The following GSE1 variants were observed in gnomAD, a reference collection of about 807,000 sequenced individuals.
GSE1 encodes the protein genetic suppressor element 1.
Under a neutral mutation model 112.6 loss-of-function variants are expected in GSE1, and 32 were observed. That is an observed-to-expected ratio of 0.28 (90% CI 0.21 to 0.38). The LOEUF is 0.38. Ranked by LOEUF, GSE1 falls within the 10% of genes least tolerant of loss-of-function variation. GSE1 has a pLI of 1.00. For synonymous variants in GSE1, 1,115 were observed against 735.6 expected (o/e 1.52, Z -8.35); for missense variants, 2,348 against 1,699.2 (o/e 1.38, Z -6.71).
chr16:85,533,072 G>T (rs2044188534), intron 2 of GSE1, among the ~76,000 whole-genome samples: 1 of 152,278 alleles, frequency 6.6e-6, no homozygotes. Flanking sequence ...CAACCCAGTG[G>T]GCTCTGGAAG....
At chr16:85,396,998 C>T (rs1195603704) in intron 2 of GSE1, among the ~76,000 whole-genome samples, 1 of 152,198 alleles carries the variant, frequency 6.6e-6, no homozygotes, top group East Asian at 1.9e-4. Context: ...ACGTGAAAAG[C>T]AGAGCAAGGA....
intron 1 of GSE1, among the ~76,000 whole-genome samples, chr16:85,241,968 C>T (rs1315365674): frequency 6.6e-6 from 1 of 152,106 alleles, no homozygotes; most frequent in Non-Finnish European, 1.5e-5. Flanking sequence ...TCATCTCTCC[C>T]AGTTGCTGTC....
chr16:85,580,311 G>A (rs1433934199), intron 1 of GSE1: 1 of 152,272 alleles, frequency 6.6e-6, no homozygotes, highest in Non-Finnish European at 1.5e-5. Context: ...GAGGGAGAAG[G>A]GGTGAGTGCA....
At chr16:85,331,715 T>A (rs866357730) in intron 1 of GSE1, among the ~76,000 whole-genome samples, 10,701 of 122,326 alleles carry the variant, frequency 0.087, 559 homozygotes, top group East Asian at 0.16. Flanking sequence ...ATATTTTTTT[T>A]TTTTTTTTTT....
At chr16:85,647,118 C>T (rs927090666) in intron 2 of GSE1, among the ~76,000 whole-genome samples, 13 of 152,322 alleles carry the variant, frequency 8.5e-5, no homozygotes, top group Admixed American at 2.6e-4. Flanking sequence ...CACTCCTCCC[C>T]GTCCTCCCCG....
chr16:85,269,947 T>C (rs1184791278), intron 1 of GSE1, among the ~76,000 whole-genome samples: 1 of 149,456 alleles, frequency 6.7e-6, no homozygotes, highest in Admixed American at 6.7e-5. Context: ...GTGGTTTGCA[T>C]AGTGAGCCCG....
At chr16:85,538,665 A>G (rs1158667712) in intron 2 of GSE1, among the ~76,000 whole-genome samples, 1 of 152,066 alleles carries the variant, frequency 6.6e-6, no homozygotes, top group Non-Finnish European at 1.5e-5. Context: ...GTGGGGAGGA[A>G]GTGGAGGAGG....
At position 85,600,194 on chromosome 16, in the gene GSE1, C is replaced by T. The variant is rs539951893; in HGVS notation, c.37+43831C>T. On this transcript the variant is annotated intron_variant, in intron 1 of 2. Coordinates refer to the GSE1 transcript ENST00000635906. ...TTAAGGTGCCACCTTGGGTTATTCA[C>T]GGGAACACTCACAGGTGGGGTCTGA... Among the ~76,000 whole-genome samples the T allele has an allele frequency of 4.6e-5, 7 of 152,332 alleles. No homozygotes were observed. The South Asian group carries it at 1.0e-3, about 23-fold the overall frequency.
At chr16:85,613,065 T>G (rs2048097862), upstream of GSE1, 19 of 448,598 alleles carry the variant, frequency 4.2e-5, no homozygotes, top group Non-Finnish European at 4.7e-5. Flanking sequence ...GGGAGGGGCG[T>G]GTGCCTGGGC....
At chr16:85,489,804 T>A (rs1030554507) in intron 2 of GSE1, 2 of 152,118 alleles carry the variant, frequency 1.3e-5, no homozygotes, top group Admixed American at 1.3e-4. Flanking sequence ...TGAGATGAGG[T>A]CACATGGGAC....
intron 2 of GSE1, among the ~76,000 whole-genome samples, chr16:85,393,908 C>T (rs570766391): frequency 2.8e-4 from 43 of 152,146 alleles, no homozygotes; most frequent in Admixed American, 7.9e-4. Context: ...AGCTTGCGCC[C>T]GGCAGTCCTG....
At chr16:85,554,998 T>C (rs2045128033), upstream of GSE1, 1 of 985,160 alleles carries the variant, frequency 1.0e-6, no homozygotes, top group Admixed American at 6.1e-5. Context: ...CGCATGGATC[T>C]GCCGCCCGGC....
At chr16:85,232,912 C>T (rs1285660056) in intron 1 of GSE1, among the ~76,000 whole-genome samples, 4 of 152,248 alleles carry the variant, frequency 2.6e-5, no homozygotes, top group Admixed American at 2.6e-4. Flanking sequence ...ATGAATGGCT[C>T]CAGGTGTGAG....
rs577129235 is a variant in GSE1, at chr16:85,628,172, C to T, written c.8-5742C>T. On this transcript the variant is annotated intron_variant, in intron 1 of 15. Coordinates refer to ENST00000253458, the MANE Select transcript of GSE1 (RefSeq NM_014615.5). ...AGCTGCGCCCGGCTGCTGCGGCCCC[C>T]GCCCCGCCTGCCCAGTGCACACATA... 3.3e-5 allele frequency among the ~76,000 whole-genome samples: 5 copies of T among 152,368 alleles called. No homozygotes were observed. In the South Asian group the frequency reaches 6.2e-4, roughly 19 times the overall value.
At chr16:85,614,200 G>T (rs2048212817) in intron 1 of GSE1, among the ~76,000 whole-genome samples, 1 of 150,862 alleles carries the variant, frequency 6.6e-6, no homozygotes, top group South Asian at 2.1e-4. Context: ...TTCCTGCTCC[G>T]CCTGGATGCG....
chr16:85,555,277 C>T (rs903737146), upstream of GSE1: 12 of 985,084 alleles, frequency 1.2e-5, no homozygotes, highest in African/African-American at 1.7e-5. Context: ...CCTCCCCGCT[C>T]TCCTCCTGCC....
intron 1 of GSE1, among the ~76,000 whole-genome samples, chr16:85,293,796 CAT>C (rs1405662397): frequency 6.6e-6 from 1 of 152,182 alleles, no homozygotes; most frequent in Non-Finnish European, 1.5e-5. Context: ...CCTCTGCCAT[CAT>C]GTGACCTTCT....
At chr16:85,395,887 G>GC (rs2047954076) in intron 2 of GSE1, among the ~76,000 whole-genome samples, 1 of 146,168 alleles carries the variant, frequency 6.8e-6, no homozygotes, top group South Asian at 2.4e-4. Context: ...ACCAGCCAGC[G>GC]CCCCGCAGAA....
rs79003194 is a variant in GSE1, at chr16:85,360,702, G to A, written c.2464+3059G>A. 3.0e-3 allele frequency among the ~76,000 whole-genome samples: 451 copies of A among 152,060 alleles called. 1 individual carries two copies. The highest frequency in any genetic ancestry group is 0.011 in the African/African-American group (442 of 41,472). ...ACAGACACAGACACAGTACATACAC[G>A]CAAACACACAGACGAAAGCAGGCAC... On this transcript the variant is annotated intron_variant, in intron 2 of 2. Transcript: ENST00000637419.
Sources: allele counts gnomAD v4.1 joint callset (sites outside exome capture counted in the v4.1 genomes callset), GRCh38; gene constraint gnomAD v4.1.1; transcripts MANE v1.5; gene names NCBI Gene and HGNC (gene_info 2026-07-23, HGNC 2026-07-21).